The following RHOBTB1 variants were observed in gnomAD, a reference collection of about 807,000 sequenced individuals.
RHOBTB1 encodes the protein rho-related BTB domain-containing protein 1.
A neutral mutation model predicts 71.6 loss-of-function variants in RHOBTB1; 40 were observed. That is an observed-to-expected ratio of 0.56 (90% CI 0.43 to 0.73). RHOBTB1 has a LOEUF of 0.73. Ranked by LOEUF, RHOBTB1 falls within the 30% of genes least tolerant of loss-of-function variation. The pLI is 0.00. For synonymous variants in RHOBTB1, 319 were observed against 334.9 expected, an observed-to-expected ratio of 0.95 and a Z score of 0.52; for missense variants, 797 against 894.0, an observed-to-expected ratio of 0.89 and a Z score of 1.38.
intron 1 of RHOBTB1, among the ~76,000 whole-genome samples, chr10:60,987,652 T>C (rs527668519): frequency 6.6e-6 from 1 of 152,284 alleles, no homozygotes; most frequent in South Asian, 2.1e-4. Context: ...TTCCGGGTGC[T>C]TCTAGTCTTT....
chr10:60,985,048 C>T (rs760895478), intron 2 of RHOBTB1, among the ~76,000 whole-genome samples: 3 of 152,148 alleles, frequency 2.0e-5, no homozygotes, highest in Non-Finnish European at 2.9e-5. Flanking sequence ...ATCTATAATT[C>T]AGCTTTCCCA....
chr10:60,994,689 T>C (rs1209077569), intron 1 of RHOBTB1, among the ~76,000 whole-genome samples: 1 of 152,180 alleles, frequency 6.6e-6, no homozygotes, highest in Non-Finnish European at 1.5e-5. Flanking sequence ...TTGAGTCTAC[T>C]ATCTTTAAGG....
chr10:60,897,279 A>T (rs184159534), intron 4 of RHOBTB1, among the ~76,000 whole-genome samples: 1 of 152,206 alleles, frequency 6.6e-6, no homozygotes, highest in African/African-American at 2.4e-5. Flanking sequence ...CTTTTTTTCC[A>T]ATCTGAAATA....
chr10:60,973,445 T>C (rs182461819), intron 2 of RHOBTB1, among the ~76,000 whole-genome samples: 2 of 152,228 alleles, frequency 1.3e-5, no homozygotes, highest in African/African-American at 4.8e-5. Context: ...CTTAACAGCC[T>C]TCTTTTTTGT....
Position 60,959,128 on chromosome 10 carries a change from T to C in RHOBTB1, c.-61-17274A>G, listed in dbSNP as rs544917170. ...AATAGAAAACCATATGTTCAAGAGA[T>C]ACAAATAAGCAACTGGTAAAATGTA... On this transcript the variant is annotated intron_variant, in intron 2 of 11. Coordinates refer to the RHOBTB1 transcript ENST00000357917. 1.1e-4 allele frequency among the ~76,000 whole-genome samples: 17 copies of C among 152,128 alleles called. No homozygotes were observed. The South Asian group carries it at 3.3e-3, about 30-fold the overall frequency.
chr10:60,942,848 C>G (rs2084974491), intron 1 of RHOBTB1, among the ~76,000 whole-genome samples: 1 of 141,220 alleles, frequency 7.1e-6, no homozygotes, highest in South Asian at 2.3e-4. Context: ...GATGAAACCA[C>G]CGATAACGGT....
intron 1 of RHOBTB1, among the ~76,000 whole-genome samples, chr10:61,001,079 C>CGTGT (rs139082859): frequency 5.6e-4 from 84 of 149,870 alleles, no homozygotes; most frequent in African/African-American, 1.9e-3. Context: ...CGCGCGCACG[C>CGTGT]GTGTGTGTGT....
chr10:60,875,130 A>C (rs1194522262), intron 8 of RHOBTB1, 88 bp from the exon 9 acceptor site: 1 of 884,980 alleles, frequency 1.1e-6, no homozygotes, highest in Non-Finnish European at 1.9e-6. Flanking sequence ...GGACGACTTA[A>C]GAAGGGAGGA....
chr10:60,893,408 T>C (rs1433149233), intron 4 of RHOBTB1, among the ~76,000 whole-genome samples: 1 of 152,180 alleles, frequency 6.6e-6, no homozygotes, highest in Non-Finnish European at 1.5e-5. Context: ...TGATGACTCA[T>C]CCCAATGAGA....
At chr10:60,973,391 A>T (rs2086223441) in intron 2 of RHOBTB1, among the ~76,000 whole-genome samples, 1 of 152,122 alleles carries the variant, frequency 6.6e-6, no homozygotes, top group Non-Finnish European at 1.5e-5. Flanking sequence ...AAAACTGTCC[A>T]TCGTCTTCTT....
chr10:60,980,102 A>G (rs576455257), intron 2 of RHOBTB1, among the ~76,000 whole-genome samples: 68 of 152,340 alleles, frequency 4.5e-4, no homozygotes, highest in Admixed American at 5.2e-4. Flanking sequence ...ACTTTATTGA[A>G]AAAAGACTAT....
chr10:60,924,526 G>A (rs1006924971), intron 2 of RHOBTB1, among the ~76,000 whole-genome samples: 1 of 152,070 alleles, frequency 6.6e-6, no homozygotes, highest in African/African-American at 2.4e-5. Flanking sequence ...GAGAGAGAGA[G>A]AGACCCTGAT....
chr10:60,866,686 T>C (rs1179137748), downstream of RHOBTB1, among the ~76,000 whole-genome samples: 2 of 152,256 alleles, frequency 1.3e-5, no homozygotes, highest in Admixed American at 6.5e-5. Flanking sequence ...CTTTACTTAA[T>C]AGAAAACATG....
At chr10:60,941,161 C>T (rs1204705705) in intron 2 of RHOBTB1, among the ~76,000 whole-genome samples, 1 of 152,134 alleles carries the variant, frequency 6.6e-6, no homozygotes, top group Non-Finnish European at 1.5e-5. Flanking sequence ...CTTCAGTTTC[C>T]CTACTGGAAA....
At position 60,994,061 on chromosome 10, in the gene RHOBTB1, T is replaced by C. The variant is rs182391441; in HGVS notation, c.-163+7338A>G. On this transcript the variant is annotated intron_variant, in intron 1 of 11. Coordinates refer to the RHOBTB1 transcript ENST00000357917. Reference sequence around the variant, plus strand: ...TTAATCCAATTCTGAAAGGTAAATGTGACTCAAAATATTAGAAATTATTGC... The same window carrying C: ...TTAATCCAATTCTGAAAGGTAAATGCGACTCAAAATATTAGAAATTATTGC... Among the ~76,000 whole-genome samples, 341 of 152,268 alleles carry C rather than the reference T, an allele frequency of 2.2e-3. 3 individuals carry two copies. The highest frequency in any genetic ancestry group is 8.0e-3 in the African/African-American group (332 of 41,556).
intron 2 of RHOBTB1, among the ~76,000 whole-genome samples, chr10:60,930,005 C>A (rs983759292): frequency 3.9e-5 from 6 of 152,172 alleles, no homozygotes; most frequent in South Asian, 2.1e-4. Flanking sequence ...CAACCAAATT[C>A]TCTGGCTGCA....
At chr10:60,917,398 A>T (rs1375931539) in intron 2 of RHOBTB1, among the ~76,000 whole-genome samples, 3 of 152,206 alleles carry the variant, frequency 2.0e-5, no homozygotes, top group Admixed American at 6.5e-5. Context: ...AGTCAGCTTC[A>T]GCTGCCATAA....
chr10:60,958,891 G>A (rs1005929470), intron 2 of RHOBTB1, among the ~76,000 whole-genome samples: 5 of 152,054 alleles, frequency 3.3e-5, no homozygotes, highest in Admixed American at 2.0e-4. Context: ...GTGAGGCACC[G>A]CACCTGGCCC....
intron 4 of RHOBTB1, among the ~76,000 whole-genome samples, chr10:60,906,771 G>T (rs2082700544): frequency 6.6e-6 from 1 of 152,036 alleles, no homozygotes; most frequent in African/African-American, 2.4e-5. Context: ...TCTCTGACCT[G>T]CAGACAGATC....
Sources: gnomAD v4.1 joint callset for allele counts (sites outside exome capture counted in the v4.1 genomes callset) on GRCh38, gnomAD v4.1.1 for gene constraint, MANE v1.5 for transcripts, NCBI Gene and HGNC (gene_info 2026-07-23, HGNC 2026-07-21) for gene names.